NEK1: variants seen among roughly 807,000 people sequenced by gnomAD.
The protein encoded by NEK1 is serine/threonine-protein kinase Nek1.
In NEK1, 137 loss-of-function variants were observed where a neutral mutation model predicts 182.1. That is an observed-to-expected ratio of 0.75 (90% CI 0.65 to 0.87). NEK1 has a LOEUF of 0.87. NEK1 is among the 40% of genes least tolerant of loss of function. The pLI is 0.00. For synonymous variants in NEK1, 513 were observed against 492.2 expected, an observed-to-expected ratio of 1.04 and a Z score of -0.56; for missense variants, 1,391 against 1,494.4, an observed-to-expected ratio of 0.93 and a Z score of 1.14.
intron 23 of NEK1, among the ~76,000 whole-genome samples, chr4:169,505,056 AC>A (rs1470264911): frequency 2.0e-5 from 3 of 152,174 alleles, no homozygotes; most frequent in African/African-American, 7.2e-5. Context: ...TTAAGGCACA[AC>A]TTACAGAAAA....
At chr4:169,512,143 A>G (rs1754292883) in intron 19 of NEK1, among the ~76,000 whole-genome samples, 1 of 152,302 alleles carries the variant, frequency 6.6e-6, no homozygotes, top group African/African-American at 2.4e-5. Flanking sequence ...CAAGAATGAA[A>G]TCGCTGGTTC....
At chr4:169,535,358 T>C (rs1457506958) in intron 19 of NEK1, among the ~76,000 whole-genome samples, 1 of 151,016 alleles carries the variant, frequency 6.6e-6, no homozygotes, top group Non-Finnish European at 1.5e-5. Context: ...ATTTCTGAGA[T>C]GGAAAACATA....
rs1057009965 is a variant in NEK1 at position 169,406,608 on chromosome 4, T to A, written c.3362A>T (p.Asp1121Val). The A allele has an allele frequency of 6.2e-7, 1 of 1,600,356 alleles. No individual in the cohort carries two copies. The highest frequency in any genetic ancestry group is 1.3e-5 in the African/African-American group (1 of 74,582). ...EDENIKEGPS[D>V]SEDIVFEETD... ...ACATTATACTTACATGTCTTCAGAA[T>A]CAGAAGGTCCTTCTTTAATGTTTTC... Residue 1121 changes from aspartate to valine, a missense_variant, in exon 32 of 36, where the codon GAT becomes GTT. Coordinates refer to ENST00000507142, the MANE Select transcript of NEK1 (RefSeq NM_001199397.3).
chr4:169,547,777 T>C (rs1561390343), intron 18 of NEK1, among the ~76,000 whole-genome samples: 1 of 152,226 alleles, frequency 6.6e-6, no homozygotes, highest in African/African-American at 2.4e-5. Context: ...TTGATACTTG[T>C]GTATGCTTCA....
At chr4:169,506,241 C>T (rs886210822) in intron 23 of NEK1, among the ~76,000 whole-genome samples, 6 of 151,922 alleles carry the variant, frequency 3.9e-5, no homozygotes, top group African/African-American at 9.7e-5. Context: ...ACTAATACAA[C>T]GAGGTACTGG....
At chr4:169,511,746 T>C (rs998679856) in intron 19 of NEK1, among the ~76,000 whole-genome samples, 34 of 152,266 alleles carry the variant, frequency 2.2e-4, no homozygotes, top group Non-Finnish European at 2.2e-4. Context: ...CTTAGCTGTA[T>C]TATTACTGGA....
intron 19 of NEK1, among the ~76,000 whole-genome samples, chr4:169,529,627 G>A (rs1478064577): frequency 6.6e-6 from 1 of 152,172 alleles, no homozygotes; most frequent in Admixed American, 6.5e-5. Context: ...TCTGTTAAGG[G>A]AATGAAAAGC....
At chr4:169,421,906 T>C (rs890053495) in intron 31 of NEK1, among the ~76,000 whole-genome samples, 7 of 152,290 alleles carry the variant, frequency 4.6e-5, no homozygotes, top group East Asian at 1.9e-4. Flanking sequence ...TTTGACTTTA[T>C]AGACATTCAT....
intron 31 of NEK1, among the ~76,000 whole-genome samples, chr4:169,409,916 G>A (rs545698169): frequency 6.6e-6 from 1 of 152,238 alleles, no homozygotes; most frequent in South Asian, 2.1e-4. Flanking sequence ...TTTCAGAAAT[G>A]TCTATTAATG....
At chr4:169,581,295 T>A (rs1417850636) in intron 10 of NEK1, among the ~76,000 whole-genome samples, 3 of 152,116 alleles carry the variant, frequency 2.0e-5, no homozygotes, top group Non-Finnish European at 4.4e-5. Context: ...TGAGACAGGG[T>A]CTCACTTTGT....
intron 19 of NEK1, among the ~76,000 whole-genome samples, chr4:169,521,256 A>C: frequency 1.4e-5 from 1 of 69,960 alleles, no homozygotes; most frequent in Non-Finnish European, 3.0e-5. Flanking sequence ...TTCGGGTGGG[A>C]GTGACCCGAT....
chr4:169,494,205 C>G (rs1041715701), intron 23 of NEK1, among the ~76,000 whole-genome samples: 1 of 151,774 alleles, frequency 6.6e-6, no homozygotes, highest in Admixed American at 6.6e-5. Flanking sequence ...CCCATTAACT[C>G]GTCATTTACC....
intron 23 of NEK1, among the ~76,000 whole-genome samples, chr4:169,494,844 G>A (rs1480884633): frequency 6.6e-6 from 1 of 152,136 alleles, no homozygotes; most frequent in Non-Finnish European, 1.5e-5. Flanking sequence ...TTCTCTGATG[G>A]CCAGTGATGA....
chr4:169,402,435 A>G (rs951948095), intron 32 of NEK1, among the ~76,000 whole-genome samples: 5 of 152,190 alleles, frequency 3.3e-5, no homozygotes. Flanking sequence ...CAGAAATCTT[A>G]TCTTTAGATG....
In NEK1 at chr4:169,424,707, T is replaced by C. The variant is rs775805551; in HGVS notation, c.3068A>G (p.His1023Arg). ...TTGAACTTGAGGGACTAAGTTCAAG[T>C]GTTCAGAATGAACCACCTTATGGAA... ...PFFHKVVHSE[H>R]LNLVPQVQSV... The change falls in exon 31 of 36, where the codon CAC becomes CGC. Residue 1023 changes from histidine to arginine, a missense_variant. His to Arg is a conservative substitution (Grantham distance 29, BLOSUM62 0). This residue lies in a region of NEK1 where 1,216 missense variants were observed against 1,277.6 expected (regional missense o/e 0.95). Coordinates refer to ENST00000507142, the MANE Select transcript of NEK1 (RefSeq NM_001199397.3). 1.9e-6 allele frequency: 3 copies of C among 1,613,900 alleles called. No individual in the cohort carries two copies. The highest frequency in any genetic ancestry group is 2.5e-6 in the Non-Finnish European group (3 of 1,179,832).
At chr4:169,577,759 T>A (rs1189707029) in intron 11 of NEK1, among the ~76,000 whole-genome samples, 1 of 150,476 alleles carries the variant, frequency 6.6e-6, no homozygotes, top group African/African-American at 2.4e-5. Flanking sequence ...GTCTCAAAAA[T>A]AATAATAATA....
rs767161700 is a variant in NEK1 at position 169,561,480 on chromosome 4, C to G, written c.1266G>C (p.Lys422Asn). ...VLSAGGSGEV[K>N]APFLGSGGTI... ...AACCATATTGGTATAAAATGCCTAC[C>G]TTTACTTCACCACTTCCACCAGCAC... The change falls in exon 16 of 36, where the codon AAG becomes AAC. Residue 422 changes from lysine to asparagine, a missense_variant and splice_region_variant. This residue lies in a region of NEK1 where 1,216 missense variants were observed against 1,277.6 expected (regional missense o/e 0.95). Coordinates refer to ENST00000507142, the MANE Select transcript of NEK1 (RefSeq NM_001199397.3). The G allele has an allele frequency of 6.2e-7, 1 of 1,613,170 alleles. No homozygotes were observed. Among genetic ancestry groups the G allele is most frequent in the Non-Finnish European group, 8.5e-7 (1 of 1,179,440 alleles).
rs557528648 is a variant in NEK1 at position 169,452,615 on chromosome 4, C to A, written c.2587+10628G>T. 5.3e-5 allele frequency among the ~76,000 whole-genome samples: 8 copies of A among 152,230 alleles called. No individual in the cohort carries two copies. In the East Asian group the frequency reaches 1.5e-3, roughly 29 times the overall value. ...AAGGCCTTCAACAAAATTCAACAGCCCTTCATGCTAAAAACTCTCAATACA... is the reference window on the plus strand; with the variant it reads ...AAGGCCTTCAACAAAATTCAACAGCACTTCATGCTAAAAACTCTCAATACA... On this transcript the variant is annotated intron_variant, in intron 27 of 35. Transcript: ENST00000507142.
intron 3 of NEK1, 21 bp from the exon 4 acceptor site, chr4:169,602,125 A>C (rs763090969): frequency 6.5e-6 from 10 of 1,533,596 alleles, no homozygotes. Flanking sequence ...AGGAAAAAGA[A>C]AATAGTAAAT....
Sources: gnomAD v4.1 joint callset for allele counts (sites outside exome capture counted in the v4.1 genomes callset) on GRCh38, gnomAD v4.1.1 for gene constraint, gnomAD v4.1.1 regional missense constraint, MANE v1.5 for transcripts, NCBI Gene and HGNC (gene_info 2026-07-23, HGNC 2026-07-21) for gene names.